The following POTEG variants were observed in gnomAD, a reference collection of about 807,000 sequenced individuals.
POTEG encodes POTE ankyrin domain family member G, also known as ANKRD26-like family C member 2.
Under a neutral mutation model 49.6 loss-of-function variants are expected in POTEG, and 2 were observed. That is an observed-to-expected ratio of 0.04 (90% CI 0.02 to 0.13). The LOEUF (loss-of-function observed/expected upper bound fraction) is 0.13. POTEG is among the 10% of genes least tolerant of loss of function. POTEG has a pLI of 1.00. For synonymous variants in POTEG, 7 were observed against 186.6 expected (o/e 0.04, Z 7.84); for missense variants, 26 against 545.2 (o/e 0.05, Z 9.48).
chr14:19,415,128 T>C lies in POTEG; in HGVS notation c.1198-522A>G, dbSNP rs1456655796. 3.4e-5 allele frequency among the ~76,000 whole-genome samples: 5 copies of C among 145,164 alleles called. 1 individual carries two copies. The highest frequency in any genetic ancestry group is 4.5e-4 in the South Asian group (2 of 4,476). On this transcript the variant is annotated intron_variant, in intron 7 of 10. Coordinates refer to ENST00000547848, the MANE Select transcript of POTEG (RefSeq NM_001005356.3). ...GAAATCAACACCAAACAGAAAGAGA[T>C]GCAAATTCTTAAATTTTAATTGAAA... is the stretch of plus-strand genomic sequence containing the variant.
At chr14:19,432,366 G>GTACA (rs1555310348) in intron 1 of POTEG, among the ~76,000 whole-genome samples, 1 of 37,898 alleles carries the variant, frequency 2.6e-5, no homozygotes, top group East Asian at 6.2e-4. Context: ...AAGAAATTTT[G>GTACA]TATATATATA....
chr14:19,433,502 C>T (rs1196784531), intron 1 of POTEG, among the ~76,000 whole-genome samples: 17 of 87,484 alleles, frequency 1.9e-4, no homozygotes, highest in African/African-American at 5.6e-4. Context: ...TCTGCTGCAT[C>T]GACAATGTTG....
At chr14:19,431,643 TGCCGGAATGTAGTG>T (rs1313165665) in intron 1 of POTEG, among the ~76,000 whole-genome samples, 5 of 43,718 alleles carry the variant, frequency 1.1e-4, no homozygotes, top group Non-Finnish European at 1.7e-4. Flanking sequence ...CTGTCACCCA[TGCCGGAATGTAGTG>T]GCACGATCTC....
chr14:19,416,410 A>G, intron 6 of POTEG, 52 bp from the exon 7 acceptor site: 1 of 1,380,786 alleles, frequency 7.2e-7, no homozygotes, highest in Non-Finnish European at 9.7e-7. Context: ...CAACAGTTAA[A>G]AACTATTGCC....
intron 6 of POTEG, among the ~76,000 whole-genome samples, chr14:19,419,999 G>A (rs1442157568): frequency 9.2e-5 from 13 of 141,428 alleles, no homozygotes; most frequent in Non-Finnish European, 1.4e-4. Flanking sequence ...CCAACCTCTC[G>A]TATCTCACAC....
intron 1 of POTEG, among the ~76,000 whole-genome samples, chr14:19,430,788 T>A (rs1261801824): frequency 6.9e-6 from 1 of 144,274 alleles, no homozygotes; most frequent in African/African-American, 2.6e-5. Flanking sequence ...ATCATTTATA[T>A]TTGCTATTTT....
chr14:19,432,538 T>C (rs1266074905), intron 1 of POTEG, among the ~76,000 whole-genome samples: 11 of 99,712 alleles, frequency 1.1e-4, no homozygotes, highest in African/African-American at 4.5e-4. Flanking sequence ...TATGTTTCTC[T>C]TTTTGTATAT....
intron 1 of POTEG, among the ~76,000 whole-genome samples, chr14:19,432,386 A>ATATATATG (rs1884174816): frequency 1.3e-5 from 1 of 76,738 alleles, no homozygotes; most frequent in African/African-American, 4.5e-5. Flanking sequence ...ATATATATAT[A>ATATATATG]TATATATATA....
intron 1 of POTEG, among the ~76,000 whole-genome samples, chr14:19,432,452 A>ATATACATGTGTG: frequency 1.5e-5 from 1 of 67,348 alleles, no homozygotes; most frequent in South Asian, 3.6e-4. Flanking sequence ...ATATACATAT[A>ATATACATGTGTG]TATATACATA....
At chr14:19,430,885 G>C (rs1171929101) in intron 1 of POTEG, among the ~76,000 whole-genome samples, 13 of 146,932 alleles carry the variant, frequency 8.8e-5, no homozygotes, top group African/African-American at 3.3e-4. Context: ...GTAATTATGT[G>C]ATAAAATCTA....
chr14:19,415,302 T>C (rs551640769), intron 7 of POTEG, among the ~76,000 whole-genome samples: 8 of 142,764 alleles, frequency 5.6e-5, no homozygotes, highest in Non-Finnish European at 1.3e-4. Context: ...TGTTATTGTG[T>C]TTGTGCACTA....
intron 3 of POTEG, among the ~76,000 whole-genome samples, chr14:19,427,942 GAAC>G (rs1345655996): frequency 5.7e-5 from 7 of 122,618 alleles, no homozygotes; most frequent in East Asian, 2.4e-4. Flanking sequence ...ATAAATAAAT[GAAC>G]AACAACAACA....
At chr14:19,432,437 T>A (rs1354683079) in intron 1 of POTEG, among the ~76,000 whole-genome samples, 2 of 102,134 alleles carry the variant, frequency 2.0e-5, no homozygotes, top group East Asian at 4.8e-4. Flanking sequence ...TATACGTATA[T>A]ATATATATAC....
rs61971038 is a variant in POTEG at position 19,425,483 on chromosome 14, G to A, written c.917+123C>T. 3.2e-5 allele frequency: 7 copies of A among 216,846 alleles called. 1 individual carries two copies. Among genetic ancestry groups the A allele is most frequent in the Admixed American group, 8.7e-5 (1 of 11,522 alleles). 13.4% of individuals were successfully genotyped at this position (216,846 alleles called of 1,614,324 possible). Reference sequence around the variant, plus strand: ...CAGTCCAAATAATTGTTTTTCTACCGAACTGATTTGTGTTCATACTGATCA... The same window carrying A: ...CAGTCCAAATAATTGTTTTTCTACCAAACTGATTTGTGTTCATACTGATCA... On this transcript the variant is annotated intron_variant, in intron 4 of 10. Coordinates refer to ENST00000547848, the MANE Select transcript of POTEG (RefSeq NM_001005356.3).
chr14:19,416,065 C>G (rs1245621733), intron 7 of POTEG, among the ~76,000 whole-genome samples: 1 of 146,808 alleles, frequency 6.8e-6, no homozygotes. Context: ...AGGATGGTCT[C>G]GATCTCCTGA....
chr14:19,433,235 C>G (rs1163509631), intron 1 of POTEG, among the ~76,000 whole-genome samples: 6 of 138,026 alleles, frequency 4.3e-5, no homozygotes, highest in Non-Finnish European at 7.8e-5. Flanking sequence ...CCAAAAAGCT[C>G]ACATCTTCAG....
chr14:19,426,415 C>A (rs1247904792), intron 3 of POTEG, among the ~76,000 whole-genome samples: 3 of 151,254 alleles, frequency 2.0e-5, no homozygotes, highest in Non-Finnish European at 3.0e-5. Flanking sequence ...GGACAGTCCA[C>A]AATACAGCTT....
At chr14:19,426,542 G>A (rs1484969643) in intron 3 of POTEG, among the ~76,000 whole-genome samples, 2 of 152,154 alleles carry the variant, frequency 1.3e-5, no homozygotes, top group Non-Finnish European at 2.9e-5. Context: ...AATCCTGAGA[G>A]GGCCATCCTC....
Position 19,415,845 on chromosome 14 carries a change from T to A in POTEG, c.1197+443A>T, listed in dbSNP as rs1451985602. 1.2e-3 allele frequency among the ~76,000 whole-genome samples: 164 copies of A among 139,554 alleles called. 1 individual carries two copies. The highest frequency in any genetic ancestry group is 8.2e-3 in the East Asian group (39 of 4,784). 91.6% of individuals were successfully genotyped at this position (139,554 alleles called of 152,430 possible). On this transcript the variant is annotated intron_variant, in intron 7 of 10. Transcript: ENST00000547848. Reference sequence around the variant, plus strand: ...TCTATTAAAATTTTTTTTTTTTTTTTTTTTTTTTTTTTTTTTTTGACACAG... The same window carrying A: ...TCTATTAAAATTTTTTTTTTTTTTTATTTTTTTTTTTTTTTTTTGACACAG...
Sources: allele counts gnomAD v4.1 joint callset (sites outside exome capture counted in the v4.1 genomes callset), GRCh38; gene constraint gnomAD v4.1.1; transcripts MANE v1.5; gene names NCBI Gene and HGNC (gene_info 2026-07-23, HGNC 2026-07-21).